The following COL9A1 variants were observed in gnomAD, a reference collection of about 807,000 sequenced individuals.
The protein encoded by COL9A1 is collagen alpha-1(IX) chain.
Under a neutral mutation model 142.6 loss-of-function variants are expected in COL9A1, and 104 were observed. That is an observed-to-expected ratio of 0.73 (90% CI 0.62 to 0.86). The LOEUF (loss-of-function observed/expected upper bound fraction) is 0.86, where lower values mean the gene tolerates loss of function less well. COL9A1 is among the 40% of genes least tolerant of loss of function. COL9A1 has a pLI of 0.00. For synonymous variants in COL9A1, 466 were observed against 396.0 expected, an observed-to-expected ratio of 1.18 and a Z score of -2.10; for missense variants, 1,210 against 1,176.6, an observed-to-expected ratio of 1.03 and a Z score of -0.42.
In COL9A1 at chr6:70,282,898, C is replaced by T; in HGVS notation, c.801G>A (p.Glu267=). ...CAAACACTCCCTGCCCCCAACTTAC[C>T]TCGTCGGTGGTCTGGCTGGGCTGGA... is the stretch of plus-strand genomic sequence containing the variant. ...ARITPSQTTD[E]RGPPGEQGPP... Residue 267 remains glutamate (E), a splice_region_variant and synonymous_variant, in exon 7 of 38, where the codon GAG becomes GAA. Transcript: ENST00000357250. The T allele has an allele frequency of 6.2e-7, 1 of 1,614,198 alleles. No homozygotes were observed. The highest frequency in any genetic ancestry group is 8.5e-7 in the Non-Finnish European group (1 of 1,180,038).
chr6:70,231,982 G>T (rs919834003), intron 36 of COL9A1, among the ~76,000 whole-genome samples: 1 of 151,882 alleles, frequency 6.6e-6, no homozygotes, highest in East Asian at 1.9e-4. Context: ...CTGGATGCAA[G>T]GGCTTAACTT....
chr6:70,231,381 G>A (rs563290752), intron 36 of COL9A1, among the ~76,000 whole-genome samples: 5 of 152,252 alleles, frequency 3.3e-5, no homozygotes, highest in Admixed American at 1.3e-4. Flanking sequence ...AGTAAAGCTG[G>A]ACAAAGATGA....
intron 10 of COL9A1, 194 bp downstream of exon 10, chr6:70,280,618 C>T: frequency 7.7e-7 from 1 of 1,291,640 alleles, no homozygotes; most frequent in Non-Finnish European, 1.0e-6. Context: ...GAGAGGTATC[C>T]TCACCTTCAC....
At chr6:70,261,666 G>A (rs139301246) in intron 19 of COL9A1, among the ~76,000 whole-genome samples, 14 of 152,342 alleles carry the variant, frequency 9.2e-5, no homozygotes, top group African/African-American at 3.4e-4. Context: ...TATGCAGGAT[G>A]ATCCAGTTTA....
Position 70,233,407 on chromosome 6 carries a change from T to A in COL9A1, c.2315-636A>T, listed in dbSNP as rs552666058. Among the ~76,000 whole-genome samples the A allele has an allele frequency of 3.3e-5, 5 of 152,114 alleles. No homozygotes were observed. The East Asian group carries it at 9.6e-4, about 29-fold the overall frequency. On this transcript the variant is annotated intron_variant, in intron 35 of 37. Coordinates refer to ENST00000357250, the MANE Select transcript of COL9A1 (RefSeq NM_001851.6). ...GAATGGTCAGAGTTAGTCTTAAAAA[T>A]TAATAACTGTGTGGGCTTTTTCAGG...
chr6:70,266,236 T>C (rs1474822817), intron 18 of COL9A1, among the ~76,000 whole-genome samples: 1 of 152,152 alleles, frequency 6.6e-6, no homozygotes, highest in East Asian at 1.9e-4. Flanking sequence ...AGAATCTAGG[T>C]TATATTGAAA....
chr6:70,260,086 C>A (rs1429573703), intron 20 of COL9A1, among the ~76,000 whole-genome samples: 1 of 152,128 alleles, frequency 6.6e-6, no homozygotes, highest in African/African-American at 2.4e-5. Context: ...CTGATCATGA[C>A]AATGAGTTAA....
chr6:70,251,010 TCCA>T (rs1288666497), intron 28 of COL9A1, among the ~76,000 whole-genome samples: 1 of 152,120 alleles, frequency 6.6e-6, no homozygotes, highest in East Asian at 1.9e-4. Flanking sequence ...AAAACACATG[TCCA>T]CACAAAAACC....
At chr6:70,256,718 C>CAAAA in intron 21 of COL9A1, 50 bp downstream of exon 21, 1 of 1,338,676 alleles carries the variant, frequency 7.5e-7, no homozygotes, top group Non-Finnish European at 1.0e-6. Flanking sequence ...GCATACATAG[C>CAAAA]AAAAAAAAAA....
intron 28 of COL9A1, among the ~76,000 whole-genome samples, chr6:70,247,573 T>G (rs1562300576): frequency 1.3e-5 from 2 of 152,230 alleles, no homozygotes; most frequent in Non-Finnish European, 2.9e-5. Context: ...AGTGCCTCTC[T>G]CTGGCAAAAA....
chr6:70,225,879 G>A, intron 37 of COL9A1, 53 bp downstream of exon 37: 1 of 1,287,884 alleles, frequency 7.8e-7, no homozygotes, highest in Non-Finnish European at 1.1e-6. Flanking sequence ...TTCAGGCTGT[G>A]TACTTGCTAC....
At chr6:70,270,970 T>A (rs1039396666) in intron 14 of COL9A1, among the ~76,000 whole-genome samples, 1 of 152,264 alleles carries the variant, frequency 6.6e-6, no homozygotes, top group South Asian at 2.1e-4. Flanking sequence ...CACATTTTCC[T>A]TCTTGATGTT....
chr6:70,297,274 A>G (rs1773881274), intron 4 of COL9A1, among the ~76,000 whole-genome samples: 1 of 152,182 alleles, frequency 6.6e-6, no homozygotes, highest in Non-Finnish European at 1.5e-5. Context: ...TCAATTACAG[A>G]TACATCGTTA....
Position 70,255,199 on chromosome 6 carries a change from G to A in COL9A1, c.1562C>T (p.Ala521Val), listed in dbSNP as rs773325813. The change falls in exon 23 of 38, where the codon GCT (alanine) becomes GTT (valine). Residue 521 changes from alanine (A) to valine (V), a missense_variant. Physicochemically the swap from Ala to Val is moderately conservative, Grantham distance 64 (BLOSUM62 0). Transcript: ENST00000357250. ...ACCAGGAATTCCTCTAGCACCTTCA[G>A]CCCCCTGCAGGGAGGAAGAGAAAGA... ...GEAGPKGDRG[A>V]EGARGIPGLP... 8.7e-6 allele frequency: 14 copies of A among 1,614,028 alleles called. No homozygotes were observed. In the African/African-American group the frequency reaches 1.2e-4, roughly 14 times the overall value.
At chr6:70,269,309 C>G (rs1772242941) in intron 16 of COL9A1, among the ~76,000 whole-genome samples, 1 of 152,138 alleles carries the variant, frequency 6.6e-6, no homozygotes, top group African/African-American at 2.4e-5. Flanking sequence ...CATCATTGGA[C>G]TGTTAATCTG....
At chr6:70,274,920 T>G in intron 10 of COL9A1, 148 bp from the exon 11 acceptor site, 1 of 653,384 alleles carries the variant, frequency 1.5e-6, no homozygotes, top group Non-Finnish European at 2.7e-6. Flanking sequence ...CTTACTATAG[T>G]CTTACTCAAA....
chr6:70,281,327 C>G (rs943274713), intron 8 of COL9A1, 63 bp downstream of exon 8: 2 of 1,521,108 alleles, frequency 1.3e-6, no homozygotes, highest in Non-Finnish European at 1.8e-6. Flanking sequence ...CACAGGAGCC[C>G]TGGGAAAAGA....
At chr6:70,217,671 C>T (rs1360205485) in intron 37 of COL9A1, among the ~76,000 whole-genome samples, 1 of 152,158 alleles carries the variant, frequency 6.6e-6, no homozygotes, top group African/African-American at 2.4e-5. Context: ...GTATTCCTTA[C>T]TTCTAAGAGT....
intron 28 of COL9A1, among the ~76,000 whole-genome samples, chr6:70,244,230 A>C (rs866368595): frequency 3.3e-5 from 5 of 152,206 alleles, no homozygotes; most frequent in African/African-American, 1.2e-4. Context: ...TATATAAACA[A>C]CCTGTGTCTG....
Sources: allele counts gnomAD v4.1 joint callset (sites outside exome capture counted in the v4.1 genomes callset), GRCh38; gene constraint gnomAD v4.1.1; transcripts MANE v1.5; gene names NCBI Gene and HGNC (gene_info 2026-07-23, HGNC 2026-07-21).